The following SV2C variants were observed in gnomAD, a reference collection of about 807,000 sequenced individuals.
The protein encoded by SV2C is solute carrier family 22 member B3.
Under a neutral mutation model 79.7 loss-of-function variants are expected in SV2C, and 49 were observed. The ratio of observed to expected loss-of-function variants is 0.61; its 90% CI spans 0.49 to 0.78. The LOEUF is 0.78. SV2C is among the 30% of genes least tolerant of loss of function. The probability of loss-of-function intolerance (pLI) is 0.00; values close to 1 mark genes in which losing one functional copy is unlikely to be tolerated. For synonymous variants in SV2C, 334 were observed against 333.2 expected (o/e 1.00, Z -0.03); for missense variants, 833 against 912.9 (o/e 0.91, Z 1.13).
chr5:76,271,122 G>C (rs1180515019), intron 4 of SV2C, among the ~76,000 whole-genome samples: 1 of 151,740 alleles, frequency 6.6e-6, no homozygotes, highest in Admixed American at 6.6e-5. Context: ...AATGTCAAAA[G>C]GGAAAAAAAA....
At chr5:75,989,738 AC>A in the SV2C span, among the ~76,000 whole-genome samples, 1 of 151,964 alleles carries the variant, frequency 6.6e-6, no homozygotes, top group African/African-American at 2.4e-5. Context: ...GAACTAATTT[AC>A]ACTCCCACCT....
rs148825047 is a variant in SV2C at position 76,156,844 on chromosome 5, G to T, written c.580+24514G>T. 4.0e-5 allele frequency among the ~76,000 whole-genome samples: 6 copies of T among 151,896 alleles called. No individual in the cohort carries two copies. In the South Asian group the frequency reaches 6.3e-4, roughly 16 times the overall value. ...AAAAGAAAGAATTAATGAACTAGAA[G>T]AAAGATTGACAGAGGTTATACAAGC... On this transcript the variant is annotated intron_variant, in intron 2 of 12. Coordinates refer to ENST00000502798, the MANE Select transcript of SV2C (RefSeq NM_014979.4).
chr5:76,129,162 G>C (rs1427119606), intron 1 of SV2C, among the ~76,000 whole-genome samples: 1 of 152,166 alleles, frequency 6.6e-6, no homozygotes, highest in Non-Finnish European at 1.5e-5. Flanking sequence ...GCAGTTGTAA[G>C]GAATGATTCA....
intron 1 of SV2C, among the ~76,000 whole-genome samples, chr5:76,106,082 G>A (rs1397192682): frequency 6.6e-6 from 1 of 152,056 alleles, no homozygotes; most frequent in South Asian, 2.1e-4. Flanking sequence ...AATTTAATAT[G>A]CCTAAAAGCT....
At chr5:76,276,841 T>G (rs1395520608) in intron 4 of SV2C, among the ~76,000 whole-genome samples, 1 of 152,048 alleles carries the variant, frequency 6.6e-6, no homozygotes, top group African/African-American at 2.4e-5. Context: ...AGGGTTGGGA[T>G]TACAGGTGTG....
At chr5:75,991,763 C>T in the SV2C span, among the ~76,000 whole-genome samples, 1 of 151,384 alleles carries the variant, frequency 6.6e-6, no homozygotes, top group South Asian at 2.1e-4. Flanking sequence ...TTTCTAAGAA[C>T]AATTCTTACT....
intron 4 of SV2C, among the ~76,000 whole-genome samples, chr5:76,265,628 G>T (rs1215388409): frequency 6.6e-6 from 1 of 152,186 alleles, no homozygotes; most frequent in African/African-American, 2.4e-5. Flanking sequence ...GGAATCCCCT[G>T]GTCTGTGGAT....
chr5:76,131,927 C>T lies in SV2C; in HGVS notation c.177C>T (p.Tyr59=). The change falls in exon 2 of 13, where the codon TAC becomes TAT. Residue 59 remains tyrosine (Y), a synonymous_variant. Coordinates refer to ENST00000502798, the MANE Select transcript of SV2C (RefSeq NM_014979.4). ...FQDEEDDDDY[Y]PAGETYNGEA... is the part of the protein sequence containing the mutation. Reference sequence around the variant, plus strand: ...ATGAAGAAGATGATGATGACTACTACCCGGCTGGAGAAACCTATAATGGTG... The same window carrying T: ...ATGAAGAAGATGATGATGACTACTATCCGGCTGGAGAAACCTATAATGGTG... 6.2e-7 allele frequency: 1 copy of T among 1,614,038 alleles called. No homozygotes were observed.
intron 1 of SV2C, among the ~76,000 whole-genome samples, chr5:76,128,231 CA>C (rs1251428686): frequency 6.6e-6 from 1 of 152,116 alleles, no homozygotes; most frequent in Non-Finnish European, 1.5e-5. Flanking sequence ...AACAGGGTTA[CA>C]TTATCTTTTG....
At chr5:75,893,819 A>G in the SV2C span, among the ~76,000 whole-genome samples, 1 of 152,092 alleles carries the variant, frequency 6.6e-6, no homozygotes, top group Non-Finnish European at 1.5e-5. Flanking sequence ...ATATGAAAGC[A>G]GTGGAAAGTC....
intron 12 of SV2C, among the ~76,000 whole-genome samples, chr5:76,348,887 C>T (rs1168541324): frequency 6.6e-6 from 1 of 152,122 alleles, no homozygotes; most frequent in Non-Finnish European, 1.5e-5. Context: ...ATAATCCCAG[C>T]TACTTGGGAG....
chr5:75,897,692 A>T, the SV2C span, among the ~76,000 whole-genome samples: 1 of 152,268 alleles, frequency 6.6e-6, no homozygotes, highest in Non-Finnish European at 1.5e-5. Context: ...GATTCTTCCT[A>T]CCCATGAGCA....
chr5:76,056,578 T>C, the SV2C span, among the ~76,000 whole-genome samples: 18 of 151,740 alleles, frequency 1.2e-4, no homozygotes, highest in South Asian at 2.1e-4. Flanking sequence ...GTTCTCTTTG[T>C]ACCTCTGATA....
intron 1 of SV2C, among the ~76,000 whole-genome samples, chr5:76,109,954 A>G (rs545447834): frequency 1.3e-5 from 2 of 152,134 alleles, no homozygotes; most frequent in South Asian, 2.1e-4. Flanking sequence ...TAAATCCACA[A>G]TGACTTAAGT....
At chr5:76,148,636 T>G (rs1749508142) in intron 2 of SV2C, among the ~76,000 whole-genome samples, 1 of 152,170 alleles carries the variant, frequency 6.6e-6, no homozygotes, top group Non-Finnish European at 1.5e-5. Context: ...AAAATTTTTG[T>G]AGAGTCAGAG....
At chr5:75,905,625 C>T in the SV2C span, among the ~76,000 whole-genome samples, 1 of 152,012 alleles carries the variant, frequency 6.6e-6, no homozygotes, top group Non-Finnish European at 1.5e-5. Flanking sequence ...TTGGGATGTC[C>T]AGCTCATTTC....
intron 4 of SV2C, chr5:76,242,333 ACGCGGGACG>A: frequency 6.9e-7 from 1 of 1,439,144 alleles, no homozygotes; most frequent in South Asian, 1.2e-5. Flanking sequence ...TAGGTGCTGG[ACGCGGGACG>A]CAGCGGCGCG....
In SV2C at chr5:76,085,826, T is replaced by TACACACACACACACACACACACAC. The variant is rs34074817; in HGVS notation, c.-102+2324_-102+2347dup. Among the ~76,000 whole-genome samples, 444 of 141,956 alleles carry TACACACACACACACACACACACAC rather than the reference T, an allele frequency of 3.1e-3. 2 individuals carry two copies. Among genetic ancestry groups the TACACACACACACACACACACACAC allele is most frequent in the East Asian group, 9.7e-3 (46 of 4,742 alleles). The allele number at this position is 141,956 out of a possible 152,430, so 93.1% of individuals were successfully genotyped here. ...GGAAAATATTAGCAAACAAAGCCCC[T>TACACACACACACACACACACACAC]ACACACACACACACACACACACACA... On this transcript the variant is annotated intron_variant, in intron 1 of 12. Transcript: ENST00000502798.
the SV2C span, among the ~76,000 whole-genome samples, chr5:75,922,383 T>G: frequency 6.6e-6 from 1 of 152,106 alleles, no homozygotes; most frequent in Non-Finnish European, 1.5e-5. Context: ...TTAAAATTAA[T>G]AAAATTAAAT....
Sources: gnomAD v4.1 joint callset for allele counts (sites outside exome capture counted in the v4.1 genomes callset) on GRCh38, gnomAD v4.1.1 for gene constraint, MANE v1.5 for transcripts, NCBI Gene and HGNC (gene_info 2026-07-23, HGNC 2026-07-21) for gene names.